The following ASTE1 variants were observed in gnomAD, a reference collection of about 807,000 sequenced individuals.
The protein encoded by ASTE1 is single-strand DNA endonuclease ASTE1.
Under a neutral mutation model 45.8 loss-of-function variants are expected in ASTE1, and 49 were observed. That is an observed-to-expected ratio of 1.07 (90% CI 0.85 to 1.36). The LOEUF is 1.36. ASTE1 is among the 40% of genes most tolerant of loss of function. The pLI, the probability that ASTE1 is intolerant of heterozygous loss-of-function variation, is 0.00. For synonymous variants in ASTE1, 296 were observed against 303.9 expected, an observed-to-expected ratio of 0.97 and a Z score of 0.27; for missense variants, 709 against 804.0, an observed-to-expected ratio of 0.88 and a Z score of 1.43.
chr3:131,014,998 C>A (rs1458140581), intron 5 of ASTE1, among the ~76,000 whole-genome samples: 1 of 152,222 alleles, frequency 6.6e-6, no homozygotes, highest in Non-Finnish European at 1.5e-5. Flanking sequence ...TTTTGCATTT[C>A]CTGTTTTGTT....
chr3:131,026,318 T>C (rs1360374409), intron 1 of ASTE1, 189 bp downstream of exon 1: 1 of 152,284 alleles, frequency 6.6e-6, no homozygotes, highest in Non-Finnish European at 1.5e-5. Context: ...TTGTAAAGCG[T>C]CCATAAGCAG....
chr3:131,024,718 A>C lies in ASTE1; in HGVS notation c.589T>G (p.Cys197Gly). ...TGGCAGAATGCATCAAGGGAAAAGC[A>C]TTTGGCAGGGATATAGTTTTGTGTG... ...KGTQNYIPAK[C>G]FSLDAFCHHF... is the part of the protein sequence containing the mutation. The change falls in exon 3 of 6, where the codon TGC (cysteine) becomes GGC (glycine). Residue 197 changes from cysteine (C) to glycine (G), a missense_variant. Cys to Gly is a radical substitution (Grantham distance 159). Coordinates refer to ENST00000264992, the MANE Select transcript of ASTE1 (RefSeq NM_014065.4). 6.2e-7 allele frequency: 1 copy of C among 1,606,252 alleles called. No individual in the cohort carries two copies. The highest frequency in any genetic ancestry group is 2.2e-5 in the East Asian group (1 of 44,860).
At position 131,024,407 on chromosome 3, in the gene ASTE1, T is replaced by C. The variant is rs1379012352; in HGVS notation, c.900A>G (p.Gln300=). 1.9e-6 allele frequency: 3 copies of C among 1,614,252 alleles called. No individual in the cohort carries two copies. The highest frequency in any genetic ancestry group is 1.7e-5 in the Admixed American group (1 of 60,038). The part of the protein sequence containing the change: ...ELLCCSMEEY[Q]QSQVKLQDFF... Reference sequence around the variant, plus strand: ...AGTCCTGTAGCTTCACCTGGGACTGTTGGTATTCTTCCATGGAACAGCAGA... The same window carrying C: ...AGTCCTGTAGCTTCACCTGGGACTGCTGGTATTCTTCCATGGAACAGCAGA... The change falls in exon 3 of 6, where the codon CAA becomes CAG. Residue 300 remains glutamine (Q), a synonymous_variant. Coordinates refer to ENST00000264992, the MANE Select transcript of ASTE1 (RefSeq NM_014065.4).
At position 131,024,052 on chromosome 3, in the gene ASTE1, C is replaced by T. The variant is rs2063775880; in HGVS notation, c.1255G>A (p.Ala419Thr). 1 of 1,613,492 alleles carries T rather than the reference C, an allele frequency of 6.2e-7. No homozygotes were observed. Among genetic ancestry groups the T allele is most frequent in the Non-Finnish European group, 8.5e-7 (1 of 1,179,594 alleles). ...GAATGATCCTTGGCCAGTTCTACTG[C>T]ATCAATGATTGAGGTTCTGATATTT... The part of the protein sequence containing the change: ...NKNIRTSIID[A>T]VELAKDHSDL... Residue 419 changes from alanine (A) to threonine (T), a missense_variant, in exon 3 of 6, where the codon GCA becomes ACA. Coordinates refer to ENST00000264992, the MANE Select transcript of ASTE1 (RefSeq NM_014065.4).
chr3:131,024,727 G>A lies in ASTE1; in HGVS notation c.580C>T (p.Pro194Ser), dbSNP rs2063787279. Residue 194 changes from proline (P) to serine (S), a missense_variant, in exon 3 of 6, where the codon CCT (proline) becomes TCT (serine). Coordinates refer to ENST00000264992, the MANE Select transcript of ASTE1 (RefSeq NM_014065.4). The part of the protein sequence containing the change: ...NTIKGTQNYI[P>S]AKCFSLDAFC... ...GCATCAAGGGAAAAGCATTTGGCAG[G>A]GATATAGTTTTGTGTGCCCTTAATA... 3 of 1,609,144 alleles carry A rather than the reference G, an allele frequency of 1.9e-6. No homozygotes were observed. Among genetic ancestry groups the A allele is most frequent in the Non-Finnish European group, 1.7e-6 (2 of 1,177,608 alleles).
chr3:131,021,440 G>T (rs1012495966), intron 3 of ASTE1, among the ~76,000 whole-genome samples: 1 of 152,186 alleles, frequency 6.6e-6, no homozygotes, highest in East Asian at 1.9e-4. Context: ...ATCTCATGTG[G>T]AATAAAAGCC....
In ASTE1 at chr3:131,024,197, C is replaced by T; in HGVS notation, c.1110G>A (p.Gln370=). 2 of 1,614,140 alleles carry T rather than the reference C, an allele frequency of 1.2e-6. No individual in the cohort carries two copies. Among genetic ancestry groups the T allele is most frequent in the Non-Finnish European group, 1.7e-6 (2 of 1,179,992 alleles). Residue 370 remains glutamine, a synonymous_variant, in exon 3 of 6, where the codon CAG becomes CAA. Transcript: ENST00000264992. ...GCCCATAGATGATTTGCCTGATGGG[C>T]TGAGATATTCTGTGGGCATTTGGTT... ...MQQPNAHRIS[Q]PIRQIIYGLL...
intron 4 of ASTE1, among the ~76,000 whole-genome samples, chr3:131,018,198 C>G (rs1300805984): frequency 2.0e-5 from 3 of 152,160 alleles, no homozygotes; most frequent in Admixed American, 2.0e-4. Flanking sequence ...ATGCAGCTGG[C>G]AAAATACACT....
intron 3 of ASTE1, among the ~76,000 whole-genome samples, chr3:131,020,770 A>G (rs1212646540): frequency 1.3e-5 from 2 of 152,252 alleles, no homozygotes; most frequent in Non-Finnish European, 2.9e-5. Context: ...TTCAGAATTG[A>G]TAAGTTTATG....
intron 4 of ASTE1, 79 bp downstream of exon 4, chr3:131,018,427 T>C: frequency 7.2e-7 from 1 of 1,398,350 alleles, no homozygotes; most frequent in Admixed American, 1.8e-5. Context: ...CCAAGAATAC[T>C]TTTTTGTTTG....
At chr3:131,017,924 T>A (rs1000684954) in intron 4 of ASTE1, among the ~76,000 whole-genome samples, 2 of 133,698 alleles carry the variant, frequency 1.5e-5, no homozygotes, top group African/African-American at 5.7e-5. Context: ...GAGCCAAGAT[T>A]GCACCACTGC....
intron 3 of ASTE1, 139 bp downstream of exon 3, chr3:131,023,866 G>T: frequency 1.1e-6 from 1 of 879,486 alleles, no homozygotes; most frequent in Non-Finnish European, 1.7e-6. Context: ...TCAAGTTCTA[G>T]ATTTCTTAGC....
chr3:131,019,150 T>C (rs1269419932), intron 3 of ASTE1, among the ~76,000 whole-genome samples: 3 of 152,228 alleles, frequency 2.0e-5, no homozygotes, highest in Non-Finnish European at 4.4e-5. Context: ...CAACACCACC[T>C]GTATGTGCCT....
intron 4 of ASTE1, chr3:131,016,608 C>A: frequency 2.2e-6 from 1 of 461,336 alleles, no homozygotes; most frequent in Non-Finnish European, 3.9e-6. Context: ...ACTACCTGAC[C>A]ATAAACATGT....
Position 131,021,580 on chromosome 3 carries a change from G to A in ASTE1, c.1302+2425C>T, listed in dbSNP as rs570301215. On this transcript the variant is annotated intron_variant, in intron 3 of 5. Transcript: ENST00000264992. ...CACTAGGAGAAGCTTCTAGGGTGGC[G>A]ATAATGATTCATCTGGATCTTCTTT... Among the ~76,000 whole-genome samples, 10 of 152,292 alleles carry A rather than the reference G, an allele frequency of 6.6e-5. No homozygotes were observed. In the East Asian group the frequency reaches 1.2e-3, roughly 18 times the overall value.
intron 3 of ASTE1, among the ~76,000 whole-genome samples, chr3:131,019,883 A>C (rs911212916): frequency 1.3e-5 from 2 of 152,220 alleles, no homozygotes; most frequent in African/African-American, 4.8e-5. Flanking sequence ...TTGTGATACA[A>C]ATTTTAAAAT....
intron 3 of ASTE1, among the ~76,000 whole-genome samples, chr3:131,019,636 A>T (rs1349270001): frequency 6.6e-6 from 1 of 152,210 alleles, no homozygotes; most frequent in Non-Finnish European, 1.5e-5. Context: ...GAAAAAGAAA[A>T]GTTGTATTCC....
chr3:131,015,091 G>A, intron 5 of ASTE1: 2 of 558,906 alleles, frequency 3.6e-6, no homozygotes, highest in Non-Finnish European at 6.3e-6. Flanking sequence ...GAATCCAGGG[G>A]TCAAAGGCCA....
chr3:131,016,964 TTGAAAATAA>T, intron 4 of ASTE1: 1 of 1,284,738 alleles, frequency 7.8e-7, no homozygotes, highest in Non-Finnish European at 1.0e-6. Context: ...CTGGACCAAT[TTGAAAATAA>T]TAAAAAGGAG....
Sources: allele counts gnomAD v4.1 joint callset (sites outside exome capture counted in the v4.1 genomes callset), GRCh38; gene constraint gnomAD v4.1.1; transcripts MANE v1.5; gene names NCBI Gene and HGNC (gene_info 2026-07-23, HGNC 2026-07-21).